Variants in DPYD observed in about 807,000 individuals in gnomAD.
DPYD encodes dihydropyrimidine dehydrogenase, also known as dihydropyrimidine dehydrogenase [NADP(+)].
In DPYD, 109 loss-of-function variants were observed where a neutral mutation model predicts 116.2. The ratio of observed to expected loss-of-function variants is 0.94; its 90% CI spans 0.80 to 1.10. The LOEUF (loss-of-function observed/expected upper bound fraction) is 1.10, where lower values mean the gene tolerates loss of function less well. Ranked by LOEUF, DPYD falls within the 50% of genes least tolerant of loss-of-function variation. DPYD has a pLI of 0.00. For missense variants in DPYD, 1,302 were observed against 1,254.5 expected (o/e 1.04, Z -0.57); for synonymous variants, 440 against 432.0 (o/e 1.02, Z -0.23).
At chr1:97,286,448 T>C (rs1461087300) in intron 18 of DPYD, among the ~76,000 whole-genome samples, 2 of 152,112 alleles carry the variant, frequency 1.3e-5, no homozygotes, top group African/African-American at 2.4e-5. Flanking sequence ...CTGTATTTCC[T>C]GAATCTGAAT....
intron 8 of DPYD, among the ~76,000 whole-genome samples, chr1:97,630,454 G>T (rs1197935089): frequency 6.6e-6 from 1 of 151,928 alleles, no homozygotes; most frequent in Non-Finnish European, 1.5e-5. Context: ...CCCTCTTGGG[G>T]TGCCTGCTCC....
chr1:97,625,014 C>CT (rs1255745978), intron 8 of DPYD, among the ~76,000 whole-genome samples: 5 of 151,824 alleles, frequency 3.3e-5, no homozygotes, highest in African/African-American at 1.2e-4. Context: ...TAAGTGTGTG[C>CT]TTTTTTCTTT....
At chr1:97,549,240 A>C (rs2102083013) in intron 12 of DPYD, among the ~76,000 whole-genome samples, 1 of 151,802 alleles carries the variant, frequency 6.6e-6, no homozygotes, top group South Asian at 2.1e-4. Flanking sequence ...CTAATTTTTT[A>C]TTTTTTGTAG....
intron 7 of DPYD, among the ~76,000 whole-genome samples, chr1:97,688,605 GT>G (rs1192362470): frequency 6.6e-6 from 1 of 151,986 alleles, no homozygotes; most frequent in African/African-American, 2.4e-5. Context: ...ATGCTTAGAA[GT>G]TTAATTTTAT....
At chr1:97,633,752 T>A (rs1657407038) in intron 8 of DPYD, among the ~76,000 whole-genome samples, 1 of 152,086 alleles carries the variant, frequency 6.6e-6, no homozygotes, top group South Asian at 2.1e-4. Flanking sequence ...TTCAGGGGCT[T>A]ATATGCCTTT....
intron 8 of DPYD, among the ~76,000 whole-genome samples, chr1:97,667,434 T>A (rs1009816109): frequency 6.6e-6 from 1 of 152,118 alleles, no homozygotes; most frequent in East Asian, 1.9e-4. Context: ...AAATTTTTTT[T>A]ATCTATATAT....
At chr1:97,720,294 C>T (rs1662850968) in intron 5 of DPYD, 1 of 985,304 alleles carries the variant, frequency 1.0e-6, no homozygotes, top group Non-Finnish European at 1.2e-6. Context: ...TGACCTTTCA[C>T]TTACTGCATC....
Position 97,169,247 on chromosome 1 carries a change from A to C in DPYD, c.2622+23822T>G, listed in dbSNP as rs146820766. On this transcript the variant is annotated intron_variant, in intron 20 of 22. Coordinates refer to ENST00000370192, the MANE Select transcript of DPYD (RefSeq NM_000110.4). Reference sequence around the variant, plus strand: ...TTTGTGTTACCTATAAACATTTTACAGTTTTACATTTACTTCTCTATGGAA... The same window carrying C: ...TTTGTGTTACCTATAAACATTTTACCGTTTTACATTTACTTCTCTATGGAA... Among the ~76,000 whole-genome samples, 118 of 152,300 alleles carry C rather than the reference A, an allele frequency of 7.7e-4. No individual in the cohort carries two copies. In the East Asian group the frequency reaches 0.022, roughly 28 times the overall value.
intron 15 of DPYD, among the ~76,000 whole-genome samples, chr1:97,375,534 A>G (rs149358329): frequency 0.014 from 2,144 of 152,214 alleles, 221 homozygotes; most frequent in Admixed American, 0.13. Flanking sequence ...AAAGGTCTTC[A>G]TGTTATTTGA....
intron 1 of DPYD, among the ~76,000 whole-genome samples, chr1:97,889,169 A>G (rs1166800851): frequency 5.3e-5 from 8 of 152,228 alleles, no homozygotes; most frequent in Non-Finnish European, 8.8e-5. Context: ...AAATAAATAG[A>G]TAAATAAAAA....
At chr1:97,883,419 G>C in intron 1 of DPYD, 45 bp from the exon 2 acceptor site, 1 of 1,319,796 alleles carries the variant, frequency 7.6e-7, no homozygotes, top group Non-Finnish European at 1.1e-6. Context: ...AAATATGTTG[G>C]CATTTGTTTA....
chr1:97,618,983 G>A (rs1424214596), intron 8 of DPYD, among the ~76,000 whole-genome samples: 1 of 152,106 alleles, frequency 6.6e-6, no homozygotes. Context: ...TCTTGGTGAA[G>A]ATGTTTTTAT....
intron 19 of DPYD, among the ~76,000 whole-genome samples, chr1:97,209,027 AAATGATCATATCTTTGTTGTAAAC>A (rs1473844256): frequency 1.3e-5 from 2 of 152,134 alleles, no homozygotes; most frequent in African/African-American, 4.8e-5. Context: ...TCCAGGACCA[AAATGATCATATCTTTGTTGTAAAC>A]AATTAACTTA....
chr1:97,235,074 T>A, intron 18 of DPYD, 80 bp from the exon 19 acceptor site: 1 of 1,553,840 alleles, frequency 6.4e-7, no homozygotes, highest in Non-Finnish European at 8.9e-7. Context: ...ATTACTATGA[T>A]GTGATGACAG....
intron 3 of DPYD, among the ~76,000 whole-genome samples, chr1:97,780,761 C>T (rs1157917087): frequency 6.6e-6 from 1 of 152,134 alleles, no homozygotes; most frequent in East Asian, 1.9e-4. Context: ...TGAAGAATTA[C>T]TATAAACTGT....
intron 4 of DPYD, among the ~76,000 whole-genome samples, chr1:97,728,218 A>G (rs575909773): frequency 4.6e-5 from 7 of 152,188 alleles, no homozygotes; most frequent in African/African-American, 1.7e-4. Flanking sequence ...AAATCAACAC[A>G]TTAGGCATTG....
At chr1:97,792,221 GCCTTGC>G (rs1211981069) in intron 3 of DPYD, among the ~76,000 whole-genome samples, 2 of 151,992 alleles carry the variant, frequency 1.3e-5, no homozygotes, top group Non-Finnish European at 2.9e-5. Context: ...TAGTCATATG[GCCTTGC>G]CCATCTCCCA....
At chr1:97,752,076 G>C (rs79723387) in intron 3 of DPYD, among the ~76,000 whole-genome samples, 6 of 151,868 alleles carry the variant, frequency 4.0e-5, no homozygotes. Flanking sequence ...AGATTTTTTT[G>C]TGTGTGTAGT....
In DPYD at chr1:97,211,521, C is replaced by A. The variant is rs534061072; in HGVS notation, c.2443-18273G>T. ...TAATACACTGTTTGATAATATGAAC[C>A]TTATGACTGAGTTTCTCAGCAGATA... On this transcript the variant is annotated intron_variant, in intron 19 of 22. Transcript: ENST00000370192. Among the ~76,000 whole-genome samples, 5 of 152,216 alleles carry A rather than the reference C, an allele frequency of 3.3e-5. No individual in the cohort carries two copies. The South Asian group carries it at 1.0e-3, about 32-fold the overall frequency.
Sources: allele counts gnomAD v4.1 joint callset (sites outside exome capture counted in the v4.1 genomes callset), GRCh38; gene constraint gnomAD v4.1.1; transcripts MANE v1.5; gene names NCBI Gene and HGNC (gene_info 2026-07-23, HGNC 2026-07-21).